SGCZ: variants seen among roughly 807,000 people sequenced by gnomAD.
SGCZ encodes the protein zeta-sarcoglycan.
A neutral mutation model predicts 41.3 loss-of-function variants in SGCZ; 40 were observed. That is an observed-to-expected ratio of 0.97 (90% CI 0.75 to 1.26). The LOEUF (loss-of-function observed/expected upper bound fraction) is 1.26. Among genes scored for constraint, SGCZ ranks in the 50% most tolerant of loss-of-function variants. SGCZ has a pLI of 0.00. For missense variants in SGCZ, 552 were observed against 369.8 expected (o/e 1.49, Z -4.04); for synonymous variants, 206 against 137.5 (o/e 1.50, Z -3.49).
chr8:14,307,073 A>G (rs1801373397), intron 3 of SGCZ, among the ~76,000 whole-genome samples: 3 of 152,198 alleles, frequency 2.0e-5, no homozygotes, highest in African/African-American at 7.2e-5. Flanking sequence ...TTTAACAAAT[A>G]TTTTATCAGA....
intron 2 of SGCZ, among the ~76,000 whole-genome samples, chr8:14,537,052 C>T (rs1174482448): frequency 6.6e-6 from 1 of 151,920 alleles, no homozygotes; most frequent in Non-Finnish European, 1.5e-5. Context: ...TGCAATTGTT[C>T]CTGCTGCTGA....
chr8:14,501,305 G>A (rs1185370350), intron 2 of SGCZ, among the ~76,000 whole-genome samples: 1 of 151,832 alleles, frequency 6.6e-6, no homozygotes, highest in Non-Finnish European at 1.5e-5. Flanking sequence ...CATCAGATTA[G>A]CAATCTTCAT....
intron 2 of SGCZ, among the ~76,000 whole-genome samples, chr8:14,548,961 A>G (rs1008318413): frequency 1.3e-5 from 2 of 151,976 alleles, no homozygotes; most frequent in Admixed American, 6.6e-5. Flanking sequence ...AAACACAGCT[A>G]TTTTCTCTTC....
chr8:15,127,061 G>C (rs1303168923), intron 1 of SGCZ, among the ~76,000 whole-genome samples: 4 of 152,168 alleles, frequency 2.6e-5, no homozygotes, highest in Non-Finnish European at 5.9e-5. Flanking sequence ...GGATTTAAAA[G>C]GATGACACTT....
intron 1 of SGCZ, among the ~76,000 whole-genome samples, chr8:15,027,061 A>G (rs1315411055): frequency 1.3e-5 from 2 of 152,206 alleles, no homozygotes; most frequent in Non-Finnish European, 2.9e-5. Flanking sequence ...TGAAGTCTCA[A>G]CTGCCTAACA....
At chr8:14,278,688 T>C (rs1029569819) in intron 3 of SGCZ, among the ~76,000 whole-genome samples, 1 of 152,162 alleles carries the variant, frequency 6.6e-6, no homozygotes, top group Admixed American at 6.6e-5. Context: ...TTTGATATAA[T>C]CTTTCTAGTA....
At chr8:15,011,335 G>A (rs1244024744) in intron 1 of SGCZ, among the ~76,000 whole-genome samples, 2 of 152,016 alleles carry the variant, frequency 1.3e-5, no homozygotes, top group African/African-American at 4.8e-5. Context: ...AAACAAAAAC[G>A]GCCATTACAG....
At chr8:14,707,551 G>A (rs1809372070) in intron 1 of SGCZ, among the ~76,000 whole-genome samples, 1 of 152,050 alleles carries the variant, frequency 6.6e-6, no homozygotes, top group Non-Finnish European at 1.5e-5. Context: ...AGACTGAATG[G>A]TGGGCTAATT....
chr8:15,135,681 TA>T (rs1395116816), intron 1 of SGCZ, among the ~76,000 whole-genome samples: 1 of 152,190 alleles, frequency 6.6e-6, no homozygotes, highest in Non-Finnish European at 1.5e-5. Flanking sequence ...AAACAGTGTT[TA>T]GACTGTGTGT....
chr8:14,237,682 G>A lies in SGCZ; in HGVS notation c.337-3C>T. 1.2e-6 allele frequency: 2 copies of A among 1,607,984 alleles called. No homozygotes were observed. The highest frequency in any genetic ancestry group is 2.7e-5 in the African/African-American group (2 of 74,736). On this transcript the variant is annotated splice_polypyrimidine_tract_variant and splice_region_variant and intron_variant, in intron 3 of 7. Transcript: ENST00000382080. ...GACTGTAAGACCAGCGGACTATCCT[G>A]GGAAACATGTATAAAATAAATAAAT...
In SGCZ at chr8:15,088,719, G is replaced by A. The variant is rs575432488; in HGVS notation, c.39+148866C>T. Among the ~76,000 whole-genome samples the A allele has an allele frequency of 2.0e-4, 30 of 152,096 alleles. 1 individual carries two copies. In the East Asian group the frequency reaches 2.5e-3, roughly 13 times the overall value. ...GCACTTATATAAGCCTCTTTTATTCGTCTACCATGAGGCACAGACATCATT... is the reference window on the plus strand; with the variant it reads ...GCACTTATATAAGCCTCTTTTATTCATCTACCATGAGGCACAGACATCATT... On this transcript the variant is annotated intron_variant, in intron 1 of 7. Transcript: ENST00000382080.
At chr8:14,260,277 G>C (rs557358248) in intron 3 of SGCZ, among the ~76,000 whole-genome samples, 1 of 151,918 alleles carries the variant, frequency 6.6e-6, no homozygotes, top group East Asian at 1.9e-4. Flanking sequence ...CCATCAAAAA[G>C]CGGGCGAAGG....
At chr8:14,770,834 G>C (rs1800211467) in intron 1 of SGCZ, among the ~76,000 whole-genome samples, 1 of 151,986 alleles carries the variant, frequency 6.6e-6, no homozygotes, top group African/African-American at 2.4e-5. Flanking sequence ...AAATAAATAA[G>C]TACATGCCTG....
At chr8:15,034,301 G>T (rs1370291168) in intron 1 of SGCZ, among the ~76,000 whole-genome samples, 1 of 151,984 alleles carries the variant, frequency 6.6e-6, no homozygotes, top group Non-Finnish European at 1.5e-5. Flanking sequence ...TTTGGGAGCT[G>T]AAAATACAAT....
intron 1 of SGCZ, among the ~76,000 whole-genome samples, chr8:14,693,425 G>A (rs1274411852): frequency 6.6e-6 from 1 of 151,560 alleles, no homozygotes; most frequent in Non-Finnish European, 1.5e-5. Context: ...CTGAGTAGCT[G>A]GAATTACAGG....
intron 3 of SGCZ, among the ~76,000 whole-genome samples, chr8:14,245,132 T>G (rs899102135): frequency 6.6e-6 from 1 of 152,144 alleles, no homozygotes; most frequent in African/African-American, 2.4e-5. Flanking sequence ...AACAGTATGT[T>G]GAAGAGGAGT....
intron 2 of SGCZ, among the ~76,000 whole-genome samples, chr8:14,382,757 G>C (rs1231333880): frequency 6.6e-6 from 1 of 152,168 alleles, no homozygotes; most frequent in Non-Finnish European, 1.5e-5. Flanking sequence ...TAATGAAAGA[G>C]TTTTGTAATG....
At chr8:14,796,800 G>C (rs1801146563) in intron 1 of SGCZ, among the ~76,000 whole-genome samples, 1 of 152,138 alleles carries the variant, frequency 6.6e-6, no homozygotes, top group Non-Finnish European at 1.5e-5. Context: ...GACCATGTGG[G>C]AGGTAACTGA....
chr8:14,877,050 T>C (rs530384039), intron 1 of SGCZ, among the ~76,000 whole-genome samples: 1 of 152,310 alleles, frequency 6.6e-6, no homozygotes, highest in East Asian at 1.9e-4. Context: ...CTTGGCTCAT[T>C]GCAATCTCTG....
Sources: gnomAD v4.1 joint callset for allele counts (sites outside exome capture counted in the v4.1 genomes callset) on GRCh38, gnomAD v4.1.1 for gene constraint, MANE v1.5 for transcripts, NCBI Gene and HGNC (gene_info 2026-07-23, HGNC 2026-07-21) for gene names.